IHO1: variants seen among roughly 807,000 people sequenced by gnomAD.
IHO1 encodes interactor of HORMAD1 protein 1.
IHO1 carries 13 observed loss-of-function variants against 31.0 expected under a neutral mutation model. The observed-to-expected ratio is 0.42, with a 90% CI of 0.27 to 0.67. IHO1 has a LOEUF of 0.67. Ranked by LOEUF, IHO1 falls within the 30% of genes least tolerant of loss-of-function variation. IHO1 has a pLI of 0.24. For synonymous variants in IHO1, 221 were observed against 248.4 expected (o/e 0.89, Z 1.04); for missense variants, 599 against 687.5 (o/e 0.87, Z 1.44).
intron 1 of IHO1, among the ~76,000 whole-genome samples, chr3:49,208,715 C>CT: frequency 6.6e-6 from 1 of 152,090 alleles, no homozygotes; most frequent in African/African-American, 2.4e-5. Context: ...CTTTATTCAG[C>CT]TAACAAAGAA....
intron 6 of IHO1, among the ~76,000 whole-genome samples, chr3:49,254,309 C>T (rs2046797919): frequency 6.6e-6 from 1 of 151,908 alleles, no homozygotes; most frequent in African/African-American, 2.4e-5. Flanking sequence ...TGTGTGTGTG[C>T]ATGCAGAATC....
rs1410951834 is a variant in IHO1 at position 49,245,075 on chromosome 3, G to C, written c.532+342G>C. 4 of 534,502 alleles carry C rather than the reference G, an allele frequency of 7.5e-6. No homozygotes were observed. In the East Asian group the frequency reaches 1.1e-4, roughly 15 times the overall value. The allele number at this position is 534,502 out of a possible 1,614,324, so 33.1% of individuals were successfully genotyped here. A position where few individuals can be genotyped will look rare whatever the true frequency, so the allele number is the denominator to read the frequency against. On this transcript the variant is annotated intron_variant, in intron 6 of 7. Transcript: ENST00000452691. ...TGAGTCTCAAATTGCTGCCTGTGCTGTCTATAGACACTGACTGCCCCCTTA... is the reference window on the plus strand; with the variant it reads ...TGAGTCTCAAATTGCTGCCTGTGCTCTCTATAGACACTGACTGCCCCCTTA...
chr3:49,226,357 A>G (rs1354729217), intron 2 of IHO1, among the ~76,000 whole-genome samples: 2 of 152,148 alleles, frequency 1.3e-5, no homozygotes, highest in African/African-American at 4.8e-5. Context: ...TTTAGGATCA[A>G]TTGACCCTCG....
intron 4 of IHO1, among the ~76,000 whole-genome samples, chr3:49,243,174 A>C (rs547315596): frequency 6.6e-6 from 1 of 151,830 alleles, no homozygotes; most frequent in East Asian, 2.0e-4. Context: ...ATGGAGTCTC[A>C]CTCTGTTGCC....
intron 2 of IHO1, among the ~76,000 whole-genome samples, chr3:49,217,656 AAG>A (rs761195436): frequency 2.2e-5 from 3 of 136,326 alleles, no homozygotes; most frequent in East Asian, 2.5e-4. Context: ...AAAAAAAAAA[AAG>A]AAAAAATTAT....
intron 2 of IHO1, among the ~76,000 whole-genome samples, chr3:49,232,446 A>G (rs902697153): frequency 2.0e-5 from 3 of 152,252 alleles, no homozygotes; most frequent in Non-Finnish European, 2.9e-5. Context: ...GAGATCTGAT[A>G]ACAAAAAGTT....
At chr3:49,254,704 G>A (rs2046802712) in intron 6 of IHO1, among the ~76,000 whole-genome samples, 1 of 152,164 alleles carries the variant, frequency 6.6e-6, no homozygotes, top group African/African-American at 2.4e-5. Context: ...AAAGGGAAGT[G>A]AGCCCAGATC....
intron 2 of IHO1, 23 bp from the exon 3 acceptor site, chr3:49,236,525 C>A: frequency 1.9e-6 from 3 of 1,540,320 alleles, no homozygotes; most frequent in Non-Finnish European, 2.7e-6. Context: ...CTATTTGATA[C>A]ACTTTTTTTT....
intron 1 of IHO1, among the ~76,000 whole-genome samples, chr3:49,201,142 C>T (rs760229709): frequency 4.0e-5 from 6 of 151,872 alleles, no homozygotes; most frequent in African/African-American, 1.4e-4. Context: ...CACAGGCACC[C>T]GCCACCACAC....
intron 2 of IHO1, among the ~76,000 whole-genome samples, chr3:49,220,119 CAA>C (rs1020322960): frequency 6.6e-6 from 1 of 152,202 alleles, no homozygotes; most frequent in Non-Finnish European, 1.5e-5. Context: ...GCAAGCTAGA[CAA>C]GAGGGTGATA....
chr3:49,248,335 C>T (rs971014350), intron 6 of IHO1, among the ~76,000 whole-genome samples: 9 of 150,722 alleles, frequency 6.0e-5, no homozygotes, highest in Non-Finnish European at 1.2e-4. Context: ...GGCAGAATGA[C>T]GTGAACCCAG....
intron 3 of IHO1, among the ~76,000 whole-genome samples, chr3:49,238,291 G>A (rs943337637): frequency 1.3e-5 from 2 of 149,272 alleles, no homozygotes; most frequent in African/African-American, 4.9e-5. Context: ...GTTTTGTTTT[G>A]TTTTGTTTTG....
chr3:49,207,712 C>T (rs890785523), intron 1 of IHO1, among the ~76,000 whole-genome samples: 17 of 151,742 alleles, frequency 1.1e-4, no homozygotes, highest in African/African-American at 4.1e-4. Context: ...TTAAAAATTT[C>T]TAGCCTTTTC....
At chr3:49,246,672 A>G (rs2046698991) in intron 6 of IHO1, among the ~76,000 whole-genome samples, 1 of 151,864 alleles carries the variant, frequency 6.6e-6, no homozygotes, top group African/African-American at 2.4e-5. Flanking sequence ...TAATAATAAA[A>G]CTGGGTGAAG....
rs1205904616 is a variant in IHO1, at chr3:49,257,384, G to C, written c.*102G>C. On this transcript the variant is annotated 3_prime_UTR_variant, in exon 8 of 8. Coordinates refer to ENST00000452691, the MANE Select transcript of IHO1 (RefSeq NM_001135197.2). ...TCCCTGAAGCCTGCCAAGTACCCAG[G>C]GTCAGAGGCCCTGCTGAGGTGGGGC... is the stretch of plus-strand genomic sequence containing the variant. 5 of 1,197,148 alleles carry C rather than the reference G, an allele frequency of 4.2e-6. No homozygotes were observed. The highest frequency in any genetic ancestry group is 4.8e-6 in the Non-Finnish European group (4 of 841,202). The allele number at this position is 1,197,148 out of a possible 1,614,324, so 74.2% of individuals were successfully genotyped here.
intron 2 of IHO1, among the ~76,000 whole-genome samples, chr3:49,224,672 C>T (rs1355793109): frequency 6.6e-6 from 1 of 152,188 alleles, no homozygotes; most frequent in African/African-American, 2.4e-5. Flanking sequence ...CATAACCTGC[C>T]CTTCGTATCC....
chr3:49,251,190 A>C (rs2107739412), intron 6 of IHO1, among the ~76,000 whole-genome samples: 1 of 150,826 alleles, frequency 6.6e-6, no homozygotes, highest in East Asian at 2.0e-4. Flanking sequence ...GTGCGATCTC[A>C]GCTCACTGCA....
intron 6 of IHO1, among the ~76,000 whole-genome samples, chr3:49,252,919 A>G (rs189185287): frequency 2.6e-5 from 4 of 151,750 alleles, no homozygotes; most frequent in Non-Finnish European, 5.9e-5. Context: ...TTGCGTGCCT[A>G]AAGTCCCAGC....
chr3:49,195,084 T>C (rs936636263), upstream of IHO1, among the ~76,000 whole-genome samples: 2 of 151,702 alleles, frequency 1.3e-5, no homozygotes, highest in Non-Finnish European at 2.9e-5. Context: ...CCTGTCTCTA[T>C]TTTTACATAA....
Sources: allele counts gnomAD v4.1 joint callset (sites outside exome capture counted in the v4.1 genomes callset), GRCh38; gene constraint gnomAD v4.1.1; transcripts MANE v1.5; gene names NCBI Gene and HGNC (gene_info 2026-07-23, HGNC 2026-07-21).